GADL1: variants seen among roughly 807,000 people sequenced by gnomAD.
The protein encoded by GADL1 is acidic amino acid decarboxylase GADL1.
In GADL1, 71 loss-of-function variants were observed where a neutral mutation model predicts 69.5. The ratio of observed to expected loss-of-function variants is 1.02; its 90% CI spans 0.84 to 1.25. The LOEUF (loss-of-function observed/expected upper bound fraction) is 1.25. Among genes scored for constraint, GADL1 ranks in the 50% most tolerant of loss-of-function variants. The pLI, the probability that GADL1 is intolerant of heterozygous loss-of-function variation, is 0.00. For missense variants in GADL1, 737 were observed against 631.8 expected (o/e 1.17, Z -1.79); for synonymous variants, 254 against 214.4 (o/e 1.18, Z -1.62).
At chr3:30,739,841 A>G (rs1437528444) in intron 14 of GADL1, among the ~76,000 whole-genome samples, 1 of 152,222 alleles carries the variant, frequency 6.6e-6, no homozygotes, top group African/African-American at 2.4e-5. Context: ...GGAAATCTTT[A>G]TAAATACTAA....
chr3:30,782,582 A>G (rs1696689334), intron 13 of GADL1, among the ~76,000 whole-genome samples: 2 of 152,174 alleles, frequency 1.3e-5, no homozygotes, highest in Admixed American at 1.3e-4. Flanking sequence ...AAATATTCAT[A>G]TACAAAGGCC....
chr3:30,804,359 G>C (rs1269062100), intron 11 of GADL1, among the ~76,000 whole-genome samples: 1 of 152,156 alleles, frequency 6.6e-6, no homozygotes, highest in Non-Finnish European at 1.5e-5. Context: ...AAATGACAAA[G>C]AGACAACTTC....
chr3:30,804,340 G>A (rs1452976281), intron 11 of GADL1, among the ~76,000 whole-genome samples: 3 of 152,112 alleles, frequency 2.0e-5, no homozygotes, highest in Non-Finnish European at 4.4e-5. Flanking sequence ...GGCTCTGTTT[G>A]AAGACAGGAA....
chr3:30,867,780 C>T (rs2125539600), intron 1 of GADL1, among the ~76,000 whole-genome samples: 1 of 151,986 alleles, frequency 6.6e-6, no homozygotes, highest in Non-Finnish European at 1.5e-5. Flanking sequence ...AATTACTGTA[C>T]TTGGGTAATT....
At chr3:30,768,036 C>CTT (rs1696324985) in intron 14 of GADL1, among the ~76,000 whole-genome samples, 1 of 5,328 alleles carries the variant, frequency 1.9e-4, no homozygotes, top group Admixed American at 1.3e-3. Flanking sequence ...ACTCCCCATA[C>CTT]CCCCCCCCCC....
intron 14 of GADL1, among the ~76,000 whole-genome samples, chr3:30,740,955 AT>A (rs1395493162): frequency 7.2e-6 from 1 of 138,492 alleles, no homozygotes; most frequent in Non-Finnish European, 1.5e-5. Flanking sequence ...TATCAAATAT[AT>A]TTATTATATA....
intron 11 of GADL1, among the ~76,000 whole-genome samples, chr3:30,833,152 A>G (rs888619084): frequency 2.0e-5 from 3 of 152,102 alleles, no homozygotes; most frequent in Non-Finnish European, 4.4e-5. Flanking sequence ...ACAGATCTTG[A>G]GGAGGCATTT....
chr3:30,830,194 G>A (rs879629389), intron 11 of GADL1, among the ~76,000 whole-genome samples: 2 of 151,778 alleles, frequency 1.3e-5, no homozygotes, highest in East Asian at 3.9e-4. Flanking sequence ...ACCTCATTCT[G>A]GAGGGGTCCT....
At chr3:30,742,156 C>G (rs1695635826) in intron 14 of GADL1, among the ~76,000 whole-genome samples, 1 of 152,182 alleles carries the variant, frequency 6.6e-6, no homozygotes, top group Admixed American at 6.5e-5. Flanking sequence ...CTCTAGACAT[C>G]ATATTCCCTC....
At chr3:30,845,155 T>C (rs1026602980) in intron 6 of GADL1, among the ~76,000 whole-genome samples, 2 of 152,088 alleles carry the variant, frequency 1.3e-5, no homozygotes, top group African/African-American at 4.8e-5. Context: ...AAAGTAATAA[T>C]AGACAAACTA....
chr3:30,757,487 T>C (rs1696004137), intron 14 of GADL1, among the ~76,000 whole-genome samples: 1 of 152,236 alleles, frequency 6.6e-6, no homozygotes, highest in African/African-American at 2.4e-5. Context: ...TGAGCAGGTA[T>C]ATCCTTGCTC....
At chr3:30,821,372 T>G (rs1697576906) in intron 11 of GADL1, among the ~76,000 whole-genome samples, 1 of 152,084 alleles carries the variant, frequency 6.6e-6, no homozygotes, top group Non-Finnish European at 1.5e-5. Flanking sequence ...CTGAAATACT[T>G]ACAAGTAAAC....
chr3:30,809,523 AT>A (rs912435565), intron 11 of GADL1, among the ~76,000 whole-genome samples: 7 of 152,254 alleles, frequency 4.6e-5, no homozygotes, highest in African/African-American at 1.7e-4. Flanking sequence ...GTTCTGAATC[AT>A]TTTTTGATAT....
At chr3:30,862,818 G>T (rs1319331828) in intron 1 of GADL1, among the ~76,000 whole-genome samples, 1 of 151,786 alleles carries the variant, frequency 6.6e-6, no homozygotes, top group African/African-American at 2.4e-5. Flanking sequence ...CTTCCTTTAG[G>T]TGCGTGTAGC....
chr3:30,883,409 T>C (rs532290269), intron 1 of GADL1, among the ~76,000 whole-genome samples: 163 of 152,118 alleles, frequency 1.1e-3, no homozygotes, highest in African/African-American at 3.7e-3. Flanking sequence ...GAGACTGTTC[T>C]TTCTCCATAG....
At chr3:30,767,902 A>G (rs948907448) in intron 14 of GADL1, among the ~76,000 whole-genome samples, 1 of 152,086 alleles carries the variant, frequency 6.6e-6, no homozygotes, top group African/African-American at 2.4e-5. Flanking sequence ...CTCAAAATAT[A>G]AATACTTAAA....
At chr3:30,857,467 A>T (rs531093200) in intron 2 of GADL1, among the ~76,000 whole-genome samples, 11 of 152,140 alleles carry the variant, frequency 7.2e-5, no homozygotes, top group East Asian at 3.9e-4. Context: ...AAGTAAAATT[A>T]AAAAAGATAA....
intron 13 of GADL1, among the ~76,000 whole-genome samples, chr3:30,785,273 T>C (rs1312112603): frequency 6.6e-6 from 1 of 152,094 alleles, no homozygotes; most frequent in Non-Finnish European, 1.5e-5. Context: ...AAACATGAAA[T>C]TGGGGGACCT....
At chr3:30,758,239 T>C (rs567801939) in intron 14 of GADL1, among the ~76,000 whole-genome samples, 42 of 152,332 alleles carry the variant, frequency 2.8e-4, no homozygotes, top group African/African-American at 9.6e-4. Flanking sequence ...TACAGTTGCA[T>C]GCACCAAGTA....
Sources: gnomAD v4.1 joint callset for allele counts (sites outside exome capture counted in the v4.1 genomes callset) on GRCh38, gnomAD v4.1.1 for gene constraint, MANE v1.5 for transcripts, NCBI Gene and HGNC (gene_info 2026-07-23, HGNC 2026-07-21) for gene names.